The following PTGFRN variants were observed in gnomAD, a reference collection of about 807,000 sequenced individuals.
The protein encoded by PTGFRN is prostaglandin F2 receptor negative regulator.
A neutral mutation model predicts 83.2 loss-of-function variants in PTGFRN; 35 were observed. The observed-to-expected ratio is 0.42, with a 90% confidence interval of 0.32 to 0.56. The LOEUF (loss-of-function observed/expected upper bound fraction) is 0.56. Among genes scored for constraint, PTGFRN ranks in the 20% least tolerant of loss-of-function variants. PTGFRN has a pLI of 0.11. For missense variants in PTGFRN, 1,051 were observed against 1,179.5 expected, an observed-to-expected ratio of 0.89 and a Z score of 1.60; for synonymous variants, 519 against 498.6, an observed-to-expected ratio of 1.04 and a Z score of -0.55.
intron 1 of PTGFRN, among the ~76,000 whole-genome samples, chr1:116,920,213 C>A (rs1178515799): frequency 6.6e-6 from 1 of 152,232 alleles, no homozygotes; most frequent in Non-Finnish European, 1.5e-5. Flanking sequence ...TTCCTGCACA[C>A]TAAGGATCTT....
At chr1:116,930,323 C>T (rs1299384621) in intron 1 of PTGFRN, among the ~76,000 whole-genome samples, 1 of 152,192 alleles carries the variant, frequency 6.6e-6, no homozygotes, top group Non-Finnish European at 1.5e-5. Context: ...TTTTCTTCTG[C>T]TCATGCCTTA....
In PTGFRN at chr1:116,910,230, G is replaced by A. The variant is rs1039935074; in HGVS notation, c.27G>A (p.Leu9=). ...TGGGGCGCCTGGCCTCGAGGCCGCT[G>A]CTGCTGGCGCTCCTGTCGTTGGGTG... MGRLASRP[L]LLALLSLALC... The change falls in exon 1 of 9, where the codon CTG becomes CTA. Residue 9 remains leucine, a synonymous_variant. Transcript: ENST00000393203. 3.4e-6 allele frequency: 5 copies of A among 1,456,640 alleles called. No individual in the cohort carries two copies. The African/African-American group carries it at 5.9e-5, about 17-fold the overall frequency. 90.2% of individuals were successfully genotyped at this position (1,456,640 alleles called of 1,614,324 possible).
chr1:116,930,870 G>C (rs536143126), intron 1 of PTGFRN, among the ~76,000 whole-genome samples: 1 of 152,028 alleles, frequency 6.6e-6, no homozygotes, highest in African/African-American at 2.4e-5. Flanking sequence ...CTTATCTCTG[G>C]TCACTTTCCT....
chr1:116,961,523 C>A lies in PTGFRN; in HGVS notation c.1494C>A (p.Phe498Leu). Residue 498 changes from phenylalanine to leucine, a missense_variant, in exon 5 of 9, where the codon TTC (phenylalanine) becomes TTA (leucine). Phe to Leu is a conservative substitution (Grantham distance 22, BLOSUM62 0). Around this residue, in one of 3 missense-constraint regions of PTGFRN, gnomAD observed 719 missense variants for 836.6 expected, o/e 0.86. Transcript: ENST00000393203. The surrounding 1 kb of genome is among the most constrained non-coding windows in gnomAD (Gnocchi z 5.4). The part of the protein sequence containing the change: ...FIFSKEHTDT[F>L]NFRIQRTTEE... ...TTTCTAAGGAACATACAGACACGTTCAATTTCCGGATCCAAAGGACTACAG... is the reference window on the plus strand; with the variant it reads ...TTTCTAAGGAACATACAGACACGTTAAATTTCCGGATCCAAAGGACTACAG... The A allele has an allele frequency of 6.2e-7, 1 of 1,614,128 alleles. No homozygotes were observed. Among genetic ancestry groups the A allele is most frequent in the Non-Finnish European group, 8.5e-7 (1 of 1,180,028 alleles).
At chr1:116,979,984 C>T (rs1472878155) in intron 7 of PTGFRN, among the ~76,000 whole-genome samples, 1 of 152,010 alleles carries the variant, frequency 6.6e-6, no homozygotes, top group Admixed American at 6.5e-5. Flanking sequence ...TGACAAAGGG[C>T]TAATATCCAG....
intron 2 of PTGFRN, among the ~76,000 whole-genome samples, chr1:116,944,336 C>T (rs1221057867): frequency 3.3e-5 from 5 of 152,178 alleles, no homozygotes; most frequent in Admixed American, 6.5e-5. Flanking sequence ...AACTCTATGA[C>T]GAAGGTCCAG....
chr1:116,988,184 G>T lies in PTGFRN; in HGVS notation c.*1217G>T, dbSNP rs1206911271. ...GTCATTTTAAGGTCCACTGCAGGGG[G>T]TTAGTGAGAAAGGGTATACTTTGTG... On this transcript the variant is annotated 3_prime_UTR_variant, in exon 9 of 9. Coordinates refer to ENST00000393203, the MANE Select transcript of PTGFRN (RefSeq NM_020440.4). The T allele has an allele frequency of 1.3e-5, 2 of 152,210 alleles. No homozygotes were observed. The highest frequency in any genetic ancestry group is 4.1e-4 in the South Asian group (2 of 4,826). The allele number at this position is 152,210 out of a possible 1,614,324, so 9.4% of individuals were successfully genotyped here. A position where few individuals can be genotyped will look rare whatever the true frequency, so the allele number is the denominator to read the frequency against.
intron 4 of PTGFRN, among the ~76,000 whole-genome samples, chr1:116,957,163 G>T (rs1650525421): frequency 6.6e-6 from 1 of 151,804 alleles, no homozygotes; most frequent in Non-Finnish European, 1.5e-5. Flanking sequence ...GTGTGTGTGT[G>T]TGTGTGTGTG....
intron 1 of PTGFRN, among the ~76,000 whole-genome samples, chr1:116,931,823 A>C (rs1442863560): frequency 6.6e-6 from 1 of 151,560 alleles, no homozygotes; most frequent in Non-Finnish European, 1.5e-5. Flanking sequence ...TGGACTGGGA[A>C]CTCCATGTGG....
At chr1:116,928,199 AT>A (rs1649703012) in intron 1 of PTGFRN, among the ~76,000 whole-genome samples, 1 of 152,170 alleles carries the variant, frequency 6.6e-6, no homozygotes. Flanking sequence ...ACTTTGTGAG[AT>A]TTAATGGCCA....
At chr1:116,929,284 A>G (rs1242861180) in intron 1 of PTGFRN, among the ~76,000 whole-genome samples, 38 of 152,200 alleles carry the variant, frequency 2.5e-4, no homozygotes, top group Admixed American at 2.4e-3. Flanking sequence ...ACCACTGTCA[A>G]CCAAGGCCGG....
chr1:116,964,894 A>G (rs1212326827), intron 5 of PTGFRN, among the ~76,000 whole-genome samples: 7 of 152,244 alleles, frequency 4.6e-5, no homozygotes, highest in African/African-American at 1.7e-4. Context: ...TGCCTGGATT[A>G]CATCCCTGGC....
Position 116,961,394 on chromosome 1 carries a change from C to T in PTGFRN, c.1365C>T (p.Ser455=), listed in dbSNP as rs145309348. The change falls in exon 5 of 9, where the codon AGC becomes AGT. Residue 455 remains serine, a synonymous_variant. Coordinates refer to ENST00000393203, the MANE Select transcript of PTGFRN (RefSeq NM_020440.4). This position sits in a 1 kb window ranked among gnomAD's most constrained non-coding sequence, Gnocchi z 5.4. ...GGTACTACAGGATGAACCGGCGCAG[C>T]GACAATGTGGTGACCAGCGAGCTGC... is the stretch of plus-strand genomic sequence containing the variant. The part of the protein sequence containing the change: ...VSWYYRMNRR[S]DNVVTSELLA... The T allele has an allele frequency of 2.0e-5, 32 of 1,612,688 alleles. No individual in the cohort carries two copies. The highest frequency in any genetic ancestry group is 3.3e-5 in the Admixed American group (2 of 59,942).
Position 116,945,081 on chromosome 1 carries a change from T to G in PTGFRN, c.821T>G (p.Ile274Ser), listed in dbSNP as rs879348039. Residue 274 changes from isoleucine to serine, a missense_variant, in exon 3 of 9, where the codon ATC becomes AGC. Coordinates refer to ENST00000393203, the MANE Select transcript of PTGFRN (RefSeq NM_020440.4). ...EKAVEVATVV[I>S]QPSVLRAAVP... ...GCCGTGGAAGTTGCCACCGTGGTGA[T>G]CCAGCCATCAGGTGAGCTGGAAACG... The G allele has an allele frequency of 1.2e-6, 2 of 1,612,526 alleles. No homozygotes were observed. The highest frequency in any genetic ancestry group is 1.7e-6 in the Non-Finnish European group (2 of 1,179,308).
chr1:116,922,129 C>T (rs1312698040), intron 1 of PTGFRN, among the ~76,000 whole-genome samples: 3 of 152,036 alleles, frequency 2.0e-5, no homozygotes, highest in Non-Finnish European at 4.4e-5. Flanking sequence ...CACCAGCGCC[C>T]ACAGAGCAGC....
At chr1:116,917,852 G>T (rs1341121077) in intron 1 of PTGFRN, among the ~76,000 whole-genome samples, 1 of 152,028 alleles carries the variant, frequency 6.6e-6, no homozygotes, top group East Asian at 1.9e-4. Flanking sequence ...CAAACTCCTG[G>T]CCTCAAGTGA....
chr1:116,985,208 T>C (rs1651429517), intron 8 of PTGFRN, among the ~76,000 whole-genome samples: 1 of 152,220 alleles, frequency 6.6e-6, no homozygotes, highest in Non-Finnish European at 1.5e-5. Context: ...TAAATAATTT[T>C]CAAGACTTAC....
chr1:116,924,855 A>G (rs952963453), intron 1 of PTGFRN, among the ~76,000 whole-genome samples: 3 of 152,178 alleles, frequency 2.0e-5, no homozygotes, highest in Admixed American at 6.5e-5. Context: ...CTGCATCAGC[A>G]GGCATGCTGC....
rs1650560164 is a variant in PTGFRN, at chr1:116,958,554, A to G, written c.1214-2689A>G. Among the ~76,000 whole-genome samples the G allele has an allele frequency of 6.6e-6, 1 of 152,178 alleles. No homozygotes were observed. Among genetic ancestry groups the G allele is most frequent in the South Asian group, 2.1e-4 (1 of 4,828 alleles). On this transcript the variant is annotated intron_variant, in intron 4 of 8. Transcript: ENST00000393203. The surrounding 1 kb of genome is among the most constrained non-coding windows in gnomAD (Gnocchi z 4.9). ...CTGTGAATAATGATCACAAATATAT[A>G]CACGTGTATGTGTATATGAATATGT...
Sources: gnomAD v4.1 joint callset for allele counts (sites outside exome capture counted in the v4.1 genomes callset) on GRCh38, gnomAD v4.1.1 for gene constraint, gnomAD v4.1.1 regional missense constraint, Gnocchi (gnomAD v3.1) non-coding constraint, MANE v1.5 for transcripts, NCBI Gene and HGNC (gene_info 2026-07-23, HGNC 2026-07-21) for gene names.